PRKCE: variants seen among roughly 807,000 people sequenced by gnomAD.
The protein encoded by PRKCE is protein kinase C epsilon.
Under a neutral mutation model 85.4 loss-of-function variants are expected in PRKCE, and 16 were observed. The ratio of observed to expected loss-of-function variants is 0.19; its 90% CI spans 0.13 to 0.28. PRKCE has a LOEUF of 0.28. Among genes scored for constraint, PRKCE ranks in the 10% least tolerant of loss-of-function variants. The pLI is 1.00. For missense variants in PRKCE, 573 were observed against 975.2 expected (o/e 0.59, Z 5.49); for synonymous variants, 388 against 371.5 (o/e 1.04, Z -0.51).
At chr2:46,150,696 A>G (rs1434858990) in intron 12 of PRKCE, among the ~76,000 whole-genome samples, 19 of 152,208 alleles carry the variant, frequency 1.2e-4, no homozygotes, top group Admixed American at 1.2e-3. Flanking sequence ...CTCAGTATGC[A>G]TCGTGCTCCC....
intron 1 of PRKCE, among the ~76,000 whole-genome samples, chr2:45,838,805 A>G (rs891747437): frequency 6.6e-6 from 1 of 152,118 alleles, no homozygotes; most frequent in African/African-American, 2.4e-5. Flanking sequence ...TATTCACAAC[A>G]ACACTGTAAA....
Position 45,843,026 on chromosome 2 carries a change from G to A in PRKCE, c.375G>A (p.Val125=), listed in dbSNP as rs552672060. 4.7e-5 allele frequency: 76 copies of A among 1,614,202 alleles called. No homozygotes were observed. In the East Asian group the frequency reaches 5.3e-4, roughly 11 times the overall value. The change falls in exon 2 of 15, where the codon GTG becomes GTA. Residue 125 remains valine, a synonymous_variant. Transcript: ENST00000306156. ...TTGATCTGGAGCCAGAAGGAAGAGT[G>A]TATGTGATCATCGATCTCTCAGGGT... ...DWIDLEPEGR[V]YVIIDLSGSS...
chr2:45,805,823 C>T (rs921602573), intron 1 of PRKCE, among the ~76,000 whole-genome samples: 3 of 152,090 alleles, frequency 2.0e-5, no homozygotes, highest in Admixed American at 6.6e-5. Flanking sequence ...GGTCTTGAAC[C>T]CCTGGCCTCA....
At chr2:46,103,014 G>A (rs1461061641) in intron 11 of PRKCE, among the ~76,000 whole-genome samples, 1 of 152,194 alleles carries the variant, frequency 6.6e-6, no homozygotes, top group Non-Finnish European at 1.5e-5. Context: ...TCACCTCTGT[G>A]AGGGCAGAGT....
intron 6 of PRKCE, among the ~76,000 whole-genome samples, chr2:45,989,916 T>C (rs1703654643): frequency 6.6e-6 from 1 of 152,216 alleles, no homozygotes; most frequent in South Asian, 2.1e-4. Flanking sequence ...CTTTCCACTT[T>C]CATCCTCAGA....
chr2:45,980,191 A>G, intron 4 of PRKCE, 105 bp from the exon 5 acceptor site: 1 of 1,007,228 alleles, frequency 9.9e-7, no homozygotes, highest in Non-Finnish European at 1.5e-6. Context: ...CAGTGGCAGA[A>G]GGGGCCTGGC....
intron 6 of PRKCE, among the ~76,000 whole-genome samples, chr2:45,989,113 C>T (rs1290506806): frequency 6.6e-6 from 1 of 152,222 alleles, no homozygotes; most frequent in African/African-American, 2.4e-5. Flanking sequence ...ACGGAGCCTG[C>T]AGTTGGGCCT....
intron 3 of PRKCE, chr2:45,978,378 A>G (rs1702624043): frequency 6.6e-6 from 1 of 152,544 alleles, no homozygotes; most frequent in African/African-American, 2.4e-5. Context: ...GGTTTGTGTG[A>G]TAGTTCTGTG....
At chr2:45,976,978 C>T (rs1702505492) in intron 3 of PRKCE, among the ~76,000 whole-genome samples, 1 of 150,498 alleles carries the variant, frequency 6.6e-6, no homozygotes, top group Non-Finnish European at 1.5e-5. Flanking sequence ...CTCAATGCAA[C>T]CTCTGTCTCC....
At chr2:45,887,288 C>T (rs140530190) in intron 2 of PRKCE, among the ~76,000 whole-genome samples, 6 of 152,264 alleles carry the variant, frequency 3.9e-5, no homozygotes, top group Non-Finnish European at 7.4e-5. Context: ...CAATAGATAG[C>T]GATCTGTGTC....
intron 1 of PRKCE, among the ~76,000 whole-genome samples, chr2:45,684,113 T>G (rs1452045262): frequency 6.6e-6 from 1 of 152,170 alleles, no homozygotes; most frequent in Non-Finnish European, 1.5e-5. Flanking sequence ...GGAGGTCTCT[T>G]TATTCTTCCC....
chr2:45,703,211 A>G (rs1231504047), intron 1 of PRKCE, among the ~76,000 whole-genome samples: 1 of 151,050 alleles, frequency 6.6e-6, no homozygotes, highest in Non-Finnish European at 1.5e-5. Context: ...TTCCTCCTAT[A>G]TTTTATTCTC....
intron 1 of PRKCE, among the ~76,000 whole-genome samples, chr2:45,659,091 C>A (rs149928323): frequency 3.3e-5 from 5 of 152,306 alleles, no homozygotes; most frequent in African/African-American, 1.2e-4. Flanking sequence ...CCAGCTCATG[C>A]CTGACCCTGA....
At chr2:46,108,288 C>T (rs558552815) in intron 11 of PRKCE, among the ~76,000 whole-genome samples, 4 of 152,270 alleles carry the variant, frequency 2.6e-5, no homozygotes, top group Admixed American at 2.0e-4. Flanking sequence ...CAAATATTTT[C>T]TCCCAGTCTG....
At chr2:46,012,320 T>G (rs778769749) in intron 10 of PRKCE, among the ~76,000 whole-genome samples, 4 of 152,128 alleles carry the variant, frequency 2.6e-5, no homozygotes, top group Non-Finnish European at 2.9e-5. Flanking sequence ...TTTTTTTCTT[T>G]TCTTTCCTTT....
At position 45,788,817 on chromosome 2, in the gene PRKCE, T is replaced by C. The variant is rs78697369; in HGVS notation, c.349-54183T>C. Among the ~76,000 whole-genome samples the C allele has an allele frequency of 1.9e-3, 290 of 152,374 alleles. 1 individual carries two copies. The highest frequency in any genetic ancestry group is 6.6e-3 in the African/African-American group (274 of 41,588). On this transcript the variant is annotated intron_variant, in intron 1 of 14. Transcript: ENST00000306156. ...CGGGATTTTTAGGTCTGAAGAAATA[T>C]ATGAAGATACATTTCCTGATTCTTT...
intron 10 of PRKCE, among the ~76,000 whole-genome samples, chr2:46,054,870 A>G (rs754059849): frequency 5.9e-5 from 9 of 152,134 alleles, no homozygotes; most frequent in Non-Finnish European, 8.8e-5. Context: ...ATCAGAGACT[A>G]TGGGCGGACA....
At chr2:45,776,710 C>T (rs1010354103) in intron 1 of PRKCE, among the ~76,000 whole-genome samples, 1 of 152,210 alleles carries the variant, frequency 6.6e-6, no homozygotes, top group Non-Finnish European at 1.5e-5. Context: ...CTCCCTCCAC[C>T]ATGACACTCT....
chr2:45,671,519 G>A (rs1676158469), intron 1 of PRKCE, among the ~76,000 whole-genome samples: 1 of 152,128 alleles, frequency 6.6e-6, no homozygotes, highest in Admixed American at 6.5e-5. Flanking sequence ...GCAATCAAAT[G>A]AATCAAAATT....
Sources: gnomAD v4.1 joint callset for allele counts (sites outside exome capture counted in the v4.1 genomes callset) on GRCh38, gnomAD v4.1.1 for gene constraint, MANE v1.5 for transcripts, NCBI Gene and HGNC (gene_info 2026-07-23, HGNC 2026-07-21) for gene names.